The following WDR37 variants were observed in gnomAD, a reference collection of about 807,000 sequenced individuals.
WDR37 encodes WD repeat domain 37, also known as WD repeat-containing protein 37.
A neutral mutation model predicts 62.9 loss-of-function variants in WDR37; 19 were observed. The ratio of observed to expected loss-of-function variants is 0.30; its 90% CI spans 0.21 to 0.44. WDR37 has a LOEUF of 0.44. WDR37 is among the 20% of genes least tolerant of loss of function. The probability of loss-of-function intolerance (pLI) is 1.00; values close to 1 mark genes in which losing one functional copy is unlikely to be tolerated. For synonymous variants in WDR37, 250 were observed against 260.9 expected, an observed-to-expected ratio of 0.96 and a Z score of 0.40; for missense variants, 474 against 657.6, an observed-to-expected ratio of 0.72 and a Z score of 3.05.
intron 11 of WDR37, among the ~76,000 whole-genome samples, chr10:1,109,920 G>A (rs567051266): frequency 5.1e-4 from 78 of 152,154 alleles, no homozygotes; most frequent in Non-Finnish European, 9.1e-4. Flanking sequence ...GAGTAAGGTG[G>A]AGTGTGTAAT....
chr10:1,059,387 G>C (rs1276668651), intron 1 of WDR37, among the ~76,000 whole-genome samples: 3 of 151,936 alleles, frequency 2.0e-5, no homozygotes, highest in Non-Finnish European at 4.4e-5. Flanking sequence ...AAAAAGAAAA[G>C]AATTTGTCGT....
chr10:1,128,811 C>T (rs1002754580), intron 13 of WDR37, among the ~76,000 whole-genome samples: 7 of 151,224 alleles, frequency 4.6e-5, no homozygotes, highest in Admixed American at 3.3e-4. Context: ...CCGTGCTCGG[C>T]GGTCCATGCT....
At chr10:1,079,460 C>T (rs1207425670) in intron 3 of WDR37, among the ~76,000 whole-genome samples, 1 of 152,042 alleles carries the variant, frequency 6.6e-6, no homozygotes, top group Non-Finnish European at 1.5e-5. Context: ...TCTTTGAGAC[C>T]CTGATAGCAG....
intron 13 of WDR37, among the ~76,000 whole-genome samples, chr10:1,128,798 C>G (rs1835879543): frequency 6.6e-6 from 1 of 152,108 alleles, no homozygotes; most frequent in Non-Finnish European, 1.5e-5. Flanking sequence ...CCTGGCGGCT[C>G]TGCCGTGCTC....
At chr10:1,101,131 TC>T (rs1834784019) in intron 9 of WDR37, among the ~76,000 whole-genome samples, 1 of 152,190 alleles carries the variant, frequency 6.6e-6, no homozygotes, top group South Asian at 2.1e-4. Context: ...CCCACCCTGC[TC>T]CAGGCCGCCC....
intron 1 of WDR37, among the ~76,000 whole-genome samples, chr10:1,068,744 C>T (rs1418520431): frequency 6.6e-6 from 1 of 152,094 alleles, no homozygotes; most frequent in Non-Finnish European, 1.5e-5. Flanking sequence ...ATTCTGTTTC[C>T]AGGTATACCC....
At chr10:1,059,099 G>C (rs1833291207) in intron 1 of WDR37, among the ~76,000 whole-genome samples, 1 of 152,200 alleles carries the variant, frequency 6.6e-6, no homozygotes, top group African/African-American at 2.4e-5. Context: ...TTGTTGGCAG[G>C]GCGTGGTGGC....
At chr10:1,127,377 T>C (rs1302773768) in intron 13 of WDR37, among the ~76,000 whole-genome samples, 1 of 152,260 alleles carries the variant, frequency 6.6e-6, no homozygotes, top group East Asian at 1.9e-4. Flanking sequence ...TTAATGAATG[T>C]GATTTAACTT....
chr10:1,085,292 C>T (rs1242652581), intron 6 of WDR37, among the ~76,000 whole-genome samples: 1 of 152,044 alleles, frequency 6.6e-6, no homozygotes, highest in East Asian at 1.9e-4. Flanking sequence ...TATCCACAGC[C>T]AAGTGTGTTT....
chr10:1,107,183 AG>A (rs1020343087), intron 11 of WDR37, among the ~76,000 whole-genome samples: 16 of 152,160 alleles, frequency 1.1e-4, no homozygotes, highest in Non-Finnish European at 2.2e-4. Context: ...CAGCTCGGGG[AG>A]CGCTGCTTCC....
Position 1,105,942 on chromosome 10 carries a change from C to T in WDR37, c.1103+675C>T, listed in dbSNP as rs1376979818. On this transcript the variant is annotated intron_variant, in intron 11 of 13. Transcript: ENST00000263150. This position sits in a 1 kb window ranked among gnomAD's most constrained non-coding sequence, Gnocchi z 5.3. ...CTGGGACTAGAGGCACCTGCCACCA[C>T]GCCTGGCTAGTTTTTTGTATTTTTA... Among the ~76,000 whole-genome samples, 2 of 152,064 alleles carry T rather than the reference C, an allele frequency of 1.3e-5. No individual in the cohort carries two copies. The highest frequency in any genetic ancestry group is 6.6e-5 in the Admixed American group (1 of 15,262).
intron 5 of WDR37, among the ~76,000 whole-genome samples, chr10:1,082,859 A>G (rs1443693707): frequency 6.6e-6 from 1 of 152,098 alleles, no homozygotes; most frequent in Non-Finnish European, 1.5e-5. Flanking sequence ...CGAATGGAGC[A>G]GGTGAAGAAT....
rs1036687082 is a variant in WDR37, at chr10:1,112,863, G to C, written c.1103+7596G>C. ...GGTTGGTTTATGAGGTTTAAGGAAG[G>C]AAGCCGTCTCCATAACATGAGAGTG... is the stretch of plus-strand genomic sequence containing the variant. On this transcript the variant is annotated intron_variant, in intron 11 of 13. Transcript: ENST00000263150. Among the ~76,000 whole-genome samples the C allele has an allele frequency of 2.6e-5, 4 of 152,228 alleles. No homozygotes were observed. In the South Asian group the frequency reaches 6.2e-4, roughly 24 times the overall value.
intron 10 of WDR37, among the ~76,000 whole-genome samples, chr10:1,104,557 A>G (rs1238795045): frequency 2.0e-5 from 3 of 152,210 alleles, no homozygotes; most frequent in African/African-American, 7.2e-5. Flanking sequence ...TAGGGACCTT[A>G]ATTACATCTG....
chr10:1,123,398 C>T (rs887186080), intron 11 of WDR37, among the ~76,000 whole-genome samples: 1 of 152,176 alleles, frequency 6.6e-6, no homozygotes, highest in Non-Finnish European at 1.5e-5. Context: ...GGAAACTCTG[C>T]ACTTGTGAAA....
intron 1 of WDR37, among the ~76,000 whole-genome samples, chr10:1,065,256 G>A (rs1833499501): frequency 6.6e-6 from 1 of 152,132 alleles, no homozygotes; most frequent in Admixed American, 6.5e-5. Context: ...GTTATAAATG[G>A]GGAAAGGTAA....
intron 11 of WDR37, among the ~76,000 whole-genome samples, chr10:1,115,041 T>TTTG (rs1554825721): frequency 6.6e-5 from 10 of 151,940 alleles, no homozygotes; most frequent in Non-Finnish European, 1.3e-4. Flanking sequence ...TTTTTTTTTT[T>TTTG]TTGTTGTTGT....
At chr10:1,114,431 C>T (rs1332049129) in intron 11 of WDR37, among the ~76,000 whole-genome samples, 1 of 152,174 alleles carries the variant, frequency 6.6e-6, no homozygotes, top group Non-Finnish European at 1.5e-5. Flanking sequence ...GACCCTCCAC[C>T]AGCAAAAAGA....
chr10:1,076,227 G>A (rs1331005484), intron 2 of WDR37, among the ~76,000 whole-genome samples: 1 of 152,036 alleles, frequency 6.6e-6, no homozygotes, highest in Non-Finnish European at 1.5e-5. Context: ...GTATATATAT[G>A]TGGGTGTGCG....
Sources: allele counts gnomAD v4.1 joint callset (sites outside exome capture counted in the v4.1 genomes callset), GRCh38; gene constraint gnomAD v4.1.1; non-coding constraint Gnocchi (gnomAD v3.1); transcripts MANE v1.5; gene names NCBI Gene and HGNC (gene_info 2026-07-23, HGNC 2026-07-21).